Variants in ANKS1B observed in about 807,000 individuals in gnomAD.
ANKS1B encodes the protein ankyrin repeat and sterile alpha motif domain-containing protein 1B.
ANKS1B carries 36 observed loss-of-function variants against 148.3 expected under a neutral mutation model. The observed-to-expected ratio is 0.24, with a 90% confidence interval of 0.19 to 0.32. The LOEUF (loss-of-function observed/expected upper bound fraction) is 0.32, where lower values mean the gene tolerates loss of function less well. Among genes scored for constraint, ANKS1B ranks in the 10% least tolerant of loss-of-function variants. The pLI, the probability that ANKS1B is intolerant of heterozygous loss-of-function variation, is 1.00. For missense variants in ANKS1B, 1,157 were observed against 1,542.6 expected (o/e 0.75, Z 4.19); for synonymous variants, 542 against 560.8 (o/e 0.97, Z 0.47).
At chr12:99,711,724 G>A (rs545252378) in intron 8 of ANKS1B, among the ~76,000 whole-genome samples, 1 of 152,210 alleles carries the variant, frequency 6.6e-6, no homozygotes, top group African/African-American at 2.4e-5. Flanking sequence ...CAGAGAAAAG[G>A]GAACATTTAT....
intron 17 of ANKS1B, among the ~76,000 whole-genome samples, chr12:98,847,184 G>C (rs918265831): frequency 6.6e-6 from 1 of 152,128 alleles, no homozygotes; most frequent in Admixed American, 6.5e-5. Flanking sequence ...ACTATTGTTA[G>C]TTACTGGAAC....
chr12:98,916,219 G>A (rs900372240), intron 17 of ANKS1B, among the ~76,000 whole-genome samples: 17 of 152,230 alleles, frequency 1.1e-4, no homozygotes, highest in Non-Finnish European at 4.4e-5. Context: ...GCTACAGGGA[G>A]CAATCCAAGG....
chr12:99,082,810 C>T (rs896275598), intron 16 of ANKS1B, among the ~76,000 whole-genome samples: 1 of 152,092 alleles, frequency 6.6e-6, no homozygotes, highest in East Asian at 1.9e-4. Context: ...CTGAGTTGAA[C>T]TTTAAATGAA....
At chr12:99,231,513 CACTGAGTG>C in intron 14 of ANKS1B, among the ~76,000 whole-genome samples, 1 of 152,088 alleles carries the variant, frequency 6.6e-6, no homozygotes, top group Admixed American at 6.6e-5. Context: ...AATAATACTT[CACTGAGTG>C]AGTTGTTTTG....
chr12:99,383,595 G>A (rs2093731947), intron 12 of ANKS1B, among the ~76,000 whole-genome samples: 1 of 152,108 alleles, frequency 6.6e-6, no homozygotes, highest in Admixed American at 6.5e-5. Flanking sequence ...TTCAGGTTTT[G>A]ACAAAAATAT....
chr12:99,111,517 T>C (rs1005491672), intron 15 of ANKS1B, among the ~76,000 whole-genome samples: 1 of 152,058 alleles, frequency 6.6e-6, no homozygotes. Flanking sequence ...TTATATAAGC[T>C]AATGTGTATT....
intron 17 of ANKS1B, among the ~76,000 whole-genome samples, chr12:98,891,634 G>C (rs2099752943): frequency 6.6e-6 from 1 of 152,172 alleles, no homozygotes; most frequent in South Asian, 2.1e-4. Flanking sequence ...TATATTGACA[G>C]CACTGCACTT....
At chr12:99,396,559 T>C (rs2094249708) in intron 12 of ANKS1B, among the ~76,000 whole-genome samples, 1 of 152,186 alleles carries the variant, frequency 6.6e-6, no homozygotes, top group African/African-American at 2.4e-5. Context: ...ATTTCAGTTC[T>C]GTTTAAAGGT....
At chr12:99,859,812 A>G (rs957339499) in intron 1 of ANKS1B, among the ~76,000 whole-genome samples, 12 of 151,944 alleles carry the variant, frequency 7.9e-5, no homozygotes, top group Non-Finnish European at 1.2e-4. Flanking sequence ...ACGCCTGGCT[A>G]ATTTTTATAT....
chr12:98,951,435 C>T (rs180686699), intron 17 of ANKS1B, among the ~76,000 whole-genome samples: 1 of 152,282 alleles, frequency 6.6e-6, no homozygotes, highest in Admixed American at 6.5e-5. Flanking sequence ...TGTCTCTTTT[C>T]TCCCAGAAGC....
chr12:99,836,198 G>A (rs527942530), intron 1 of ANKS1B, among the ~76,000 whole-genome samples: 6 of 152,120 alleles, frequency 3.9e-5, no homozygotes, highest in South Asian at 2.1e-4. Context: ...AAGTTTCATC[G>A]AAACACATAC....
chr12:99,978,864 C>A (rs1057157879), intron 1 of ANKS1B, among the ~76,000 whole-genome samples: 8 of 152,010 alleles, frequency 5.3e-5, no homozygotes, highest in African/African-American at 1.4e-4. Flanking sequence ...TTATTTCTGA[C>A]AAGAATTTAC....
intron 10 of ANKS1B, among the ~76,000 whole-genome samples, chr12:99,502,561 G>A (rs891562518): frequency 3.9e-5 from 6 of 152,118 alleles, no homozygotes; most frequent in African/African-American, 1.4e-4. Context: ...CTACAGCATA[G>A]TGTTTAAGAG....
chr12:99,853,604 A>G (rs554457522), intron 1 of ANKS1B, among the ~76,000 whole-genome samples: 3 of 152,264 alleles, frequency 2.0e-5, no homozygotes, highest in Admixed American at 1.3e-4. Flanking sequence ...AGTGTCCCAG[A>G]TCCTCCCTCT....
At position 98,851,436 on chromosome 12, in the gene ANKS1B, C is replaced by A. The variant is rs145284810; in HGVS notation, c.2779-19300G>T. Among the ~76,000 whole-genome samples the A allele has an allele frequency of 2.3e-3, 345 of 152,120 alleles. 2 individuals carry two copies. Among genetic ancestry groups the A allele is most frequent in the African/African-American group, 7.8e-3 (325 of 41,492 alleles). ...AGGCGATTCTACACAGAGGAGACAC[C>A]GTGTGCAGTCTCAGACGTGTGCAAG... On this transcript the variant is annotated intron_variant, in intron 17 of 26. Coordinates refer to ENST00000683438, the MANE Select transcript of ANKS1B (RefSeq NM_001352186.2).
intron 1 of ANKS1B, among the ~76,000 whole-genome samples, chr12:99,917,824 A>C (rs2094218436): frequency 1.3e-5 from 2 of 152,200 alleles, no homozygotes; most frequent in Admixed American, 1.3e-4. Flanking sequence ...AGAGGTCCCC[A>C]ATCTCCAGCC....
chr12:98,808,626 C>G (rs1165125717), intron 19 of ANKS1B, among the ~76,000 whole-genome samples: 1 of 152,090 alleles, frequency 6.6e-6, no homozygotes, highest in East Asian at 1.9e-4. Flanking sequence ...TTCTGGCTCT[C>G]CCCCACACCA....
chr12:99,188,576 A>G (rs1276619185), intron 14 of ANKS1B, among the ~76,000 whole-genome samples: 1 of 152,252 alleles, frequency 6.6e-6, no homozygotes, highest in Non-Finnish European at 1.5e-5. Flanking sequence ...GAAACTGAAC[A>G]ACCTGCTCCT....
chr12:98,792,818 T>C (rs1036349863), intron 22 of ANKS1B, among the ~76,000 whole-genome samples: 6 of 152,246 alleles, frequency 3.9e-5, no homozygotes, highest in African/African-American at 1.2e-4. Flanking sequence ...TATTTTATTG[T>C]GTACATATAC....
Sources: gnomAD v4.1 joint callset for allele counts (sites outside exome capture counted in the v4.1 genomes callset) on GRCh38, gnomAD v4.1.1 for gene constraint, MANE v1.5 for transcripts, NCBI Gene and HGNC (gene_info 2026-07-23, HGNC 2026-07-21) for gene names.